The following KLHL7 variants were observed in gnomAD, a reference collection of about 807,000 sequenced individuals.
The protein encoded by KLHL7 is kelch-like protein 7.
In KLHL7, 44 loss-of-function variants were observed where a neutral mutation model predicts 67.4. The observed-to-expected ratio is 0.65, with a 90% CI of 0.51 to 0.84. KLHL7 has a LOEUF of 0.84. Among genes scored for constraint, KLHL7 ranks in the 40% least tolerant of loss-of-function variants. The probability of loss-of-function intolerance (pLI) is 0.00; values close to 1 mark genes in which losing one functional copy is unlikely to be tolerated. For missense variants in KLHL7, 362 were observed against 718.1 expected, an observed-to-expected ratio of 0.50 and a Z score of 5.67; for synonymous variants, 252 against 243.3, an observed-to-expected ratio of 1.04 and a Z score of -0.33.
At position 23,173,053 on chromosome 7, in the gene KLHL7, A is replaced by G. The variant is rs765746978; in HGVS notation, c.1477+8A>G. 6.3e-7 allele frequency: 1 copy of G among 1,589,176 alleles called. No homozygotes were observed. The highest frequency in any genetic ancestry group is 1.7e-5 in the Admixed American group (1 of 59,956). On this transcript the variant is annotated splice_region_variant and intron_variant, in intron 10 of 10. Coordinates refer to ENST00000339077, the MANE Select transcript of KLHL7 (RefSeq NM_001031710.3). Reference sequence around the variant, plus strand: ...GTGGTCAGAATGGTTTAGGTATGTGATGTTAATTCACTGTTCCACTTTCCT... The same window carrying G: ...GTGGTCAGAATGGTTTAGGTATGTGGTGTTAATTCACTGTTCCACTTTCCT...
At chr7:23,149,279 C>T (rs1486657895) in intron 6 of KLHL7, among the ~76,000 whole-genome samples, 2 of 152,104 alleles carry the variant, frequency 1.3e-5, no homozygotes, top group African/African-American at 4.8e-5. Context: ...CCAAAGTGTC[C>T]CCCAGCCCTA....
rs755811424 is a variant in KLHL7, at chr7:23,125,127, TG to T, written c.398del (p.Cys133LeufsTer5). Reference sequence around the variant, plus strand: ...TCAGATTGAACCTGTGAAGAAAATGTGTGTTGATTTTTTGAAAGAACAAGTT... The same window carrying T: ...TCAGATTGAACCTGTGAAGAAAATGTTGTTGATTTTTTGAAAGAACAAGTT... Reference protein sequence around the residue: ...QYQIEPVKKMCVDFLKEQVDA... With the variant: ...QYQIEPVKKMXVDFLKEQVDA... On this transcript the variant is annotated frameshift_variant, in exon 4 of 11. Transcript: ENST00000339077. LOFTEE classifies it high-confidence loss of function. 1 of 1,613,306 alleles carries T rather than the reference TG, an allele frequency of 6.2e-7. No homozygotes were observed. Among genetic ancestry groups the T allele is most frequent in the Non-Finnish European group, 8.5e-7 (1 of 1,179,320 alleles).
At chr7:23,138,211 C>T (rs923929833) in intron 4 of KLHL7, among the ~76,000 whole-genome samples, 3 of 151,144 alleles carry the variant, frequency 2.0e-5, no homozygotes, top group Admixed American at 2.0e-4. Flanking sequence ...CACCTGTAAT[C>T]CCAGCACTTT....
At chr7:23,137,373 G>A (rs1784015645) in intron 4 of KLHL7, among the ~76,000 whole-genome samples, 1 of 151,908 alleles carries the variant, frequency 6.6e-6, no homozygotes, top group African/African-American at 2.4e-5. Flanking sequence ...TTCAAAGAAT[G>A]ATACAAAATA....
intron 3 of KLHL7, 37 bp from the exon 4 acceptor site, chr7:23,125,011 T>A (rs760045836): frequency 1.3e-6 from 2 of 1,579,374 alleles, no homozygotes; most frequent in Admixed American, 3.4e-5. Context: ...TAATAAAAAA[T>A]CATGGGTAAC....
At chr7:23,168,648 T>C (rs1233651165) in intron 9 of KLHL7, among the ~76,000 whole-genome samples, 3 of 152,178 alleles carry the variant, frequency 2.0e-5, no homozygotes, top group Non-Finnish European at 2.9e-5. Context: ...GTGCTAATCA[T>C]TGAATAATGG....
chr7:23,114,757 G>A (rs898030326), intron 1 of KLHL7, among the ~76,000 whole-genome samples: 1 of 152,186 alleles, frequency 6.6e-6, no homozygotes, highest in African/African-American at 2.4e-5. Flanking sequence ...TTAACACCAG[G>A]CCTTGAGATA....
intron 1 of KLHL7, among the ~76,000 whole-genome samples, chr7:23,118,767 GT>G (rs774868648): frequency 4.0e-5 from 6 of 151,884 alleles, no homozygotes; most frequent in Non-Finnish European, 7.4e-5. Flanking sequence ...TTTAAGAGCA[GT>G]TTTAATTTCA....
intron 1 of KLHL7, chr7:23,106,603 C>G (rs1004393938): frequency 7.1e-5 from 74 of 1,038,012 alleles, no homozygotes; most frequent in Non-Finnish European, 8.2e-5. Context: ...ATCCCCGCCC[C>G]CTCCTGTGTT....
chr7:23,140,877 A>C lies in KLHL7; in HGVS notation c.551A>C (p.Gln184Pro). The part of the protein sequence containing the change: ...TEVYKTDEFL[Q>P]LDVKRVTHLL... ...GTTTACAAAACTGATGAATTTCTTC[A>C]ACTTGATGTCAAGCGAGTAACACAT... Residue 184 changes from glutamine to proline, a missense_variant, in exon 5 of 11, where the codon CAA (glutamine) becomes CCA (proline). By Grantham distance (76) the Gln-to-Pro change is moderately conservative. Around this residue, in one of 5 missense-constraint regions of KLHL7, gnomAD observed 155 missense variants for 280.8 expected, o/e 0.55. Transcript: ENST00000339077. 3.7e-6 allele frequency: 6 copies of C among 1,614,084 alleles called. No homozygotes were observed. The highest frequency in any genetic ancestry group is 5.1e-6 in the Non-Finnish European group (6 of 1,179,982).
intron 4 of KLHL7, among the ~76,000 whole-genome samples, chr7:23,126,408 G>C (rs1429230623): frequency 6.6e-6 from 1 of 152,200 alleles, no homozygotes; most frequent in African/African-American, 2.4e-5. Flanking sequence ...TGATTCAGAG[G>C]CTTTAAAGAA....
intron 4 of KLHL7, chr7:23,125,779 A>G (rs1246415083): frequency 1.3e-6 from 2 of 1,514,034 alleles, no homozygotes; most frequent in African/African-American, 2.8e-5. Context: ...GAAAAAGTTG[A>G]TCAGAGCCTT....
At position 23,176,674 on chromosome 7, in the gene KLHL7, TAA is replaced by T. The variant is rs527937264; in HGVS notation, c.*2393_*2394del. 0.057 allele frequency: 6,376 copies of T among 112,510 alleles called. 162 individuals are homozygous for T. Among genetic ancestry groups the T allele is most frequent in the South Asian group, 0.1 (359 of 3,484 alleles). The allele number at this position is 112,510 out of a possible 1,614,324, so 7.0% of individuals were successfully genotyped here. A position where few individuals can be genotyped will look rare whatever the true frequency, so the allele number is the denominator to read the frequency against. ...GTGACAGACTGAGACCCTGTCTCAT[TAA>T]AAAAAAAAAAAAAAAAGCTGGGCGC... On this transcript the variant is annotated 3_prime_UTR_variant, in exon 11 of 11. Coordinates refer to ENST00000339077, the MANE Select transcript of KLHL7 (RefSeq NM_001031710.3).
At chr7:23,163,695 A>G (rs890331903) in intron 7 of KLHL7, among the ~76,000 whole-genome samples, 1 of 152,218 alleles carries the variant, frequency 6.6e-6, no homozygotes, top group Admixed American at 6.5e-5. Context: ...GCTGACTAGG[A>G]CCAAGGAAAA....
At chr7:23,158,874 G>A (rs896187995) in intron 7 of KLHL7, among the ~76,000 whole-genome samples, 2 of 152,168 alleles carry the variant, frequency 1.3e-5, no homozygotes, top group Non-Finnish European at 2.9e-5. Context: ...AGCTCCCTGG[G>A]TCAGATATGT....
At chr7:23,110,772 C>A (rs529056585) in intron 1 of KLHL7, among the ~76,000 whole-genome samples, 2 of 116,356 alleles carry the variant, frequency 1.7e-5, no homozygotes, top group East Asian at 6.0e-4. Context: ...CCCCTCCCCC[C>A]ACCCCACAAC....
At chr7:23,109,313 G>A (rs1782769535) in intron 1 of KLHL7, among the ~76,000 whole-genome samples, 1 of 152,158 alleles carries the variant, frequency 6.6e-6, no homozygotes, top group Non-Finnish European at 1.5e-5. Flanking sequence ...TTAGATTAAT[G>A]TTATTACCTG....
intron 4 of KLHL7, chr7:23,125,824 C>T (rs756076072): frequency 3.2e-6 from 5 of 1,550,206 alleles, no homozygotes; most frequent in Non-Finnish European, 8.7e-7. Flanking sequence ...GTGTGATGAT[C>T]CTTAGTGGCA....
intron 9 of KLHL7, among the ~76,000 whole-genome samples, chr7:23,168,888 T>C (rs1785076032): frequency 6.6e-6 from 1 of 152,230 alleles, no homozygotes; most frequent in South Asian, 2.1e-4. Flanking sequence ...CTCTCGTGCT[T>C]AAAGTTTTAT....
Sources: gnomAD v4.1 joint callset for allele counts (sites outside exome capture counted in the v4.1 genomes callset) on GRCh38, gnomAD v4.1.1 for gene constraint, gnomAD v4.1.1 regional missense constraint, MANE v1.5 for transcripts, NCBI Gene and HGNC (gene_info 2026-07-23, HGNC 2026-07-21) for gene names.